The following PNPLA5 variants were observed in gnomAD, a reference collection of about 807,000 sequenced individuals.
The protein encoded by PNPLA5 is patatin like domain 5, triacylglycerol lipase.
PNPLA5 carries 44 observed loss-of-function variants against 49.1 expected under a neutral mutation model. The ratio of observed to expected loss-of-function variants is 0.90; its 90% CI spans 0.70 to 1.15. The LOEUF (loss-of-function observed/expected upper bound fraction) is 1.15. Ranked by LOEUF, PNPLA5 falls within the 50% of genes most tolerant of loss-of-function variation. PNPLA5 has a pLI of 0.00. For missense variants in PNPLA5, 603 were observed against 564.0 expected (o/e 1.07, Z -0.70); for synonymous variants, 243 against 244.4 (o/e 0.99, Z 0.06).
At position 43,886,503 on chromosome 22, in the gene PNPLA5, G is replaced by A. The variant is rs1165985689; in HGVS notation, c.764-15C>T. 1.2e-6 allele frequency: 2 copies of A among 1,603,428 alleles called. No individual in the cohort carries two copies. The highest frequency in any genetic ancestry group is 2.2e-5 in the East Asian group (1 of 44,666). On this transcript the variant is annotated splice_polypyrimidine_tract_variant and intron_variant, in intron 5 of 8. Transcript: ENST00000216177. ...CTTGGTGAGTCCTGGGTCAGGGGAA[G>A]GGAGAGGATAAGTCAAGCATCTGAG...
At chr22:43,886,807 T>C (rs1161069356) in intron 5 of PNPLA5, among the ~76,000 whole-genome samples, 1 of 152,204 alleles carries the variant, frequency 6.6e-6, no homozygotes, top group East Asian at 1.9e-4. Context: ...AAAGGAAAAG[T>C]AAGACCTGCT....
chr22:43,890,733 C>A (rs1015383873), intron 2 of PNPLA5, among the ~76,000 whole-genome samples: 1 of 152,176 alleles, frequency 6.6e-6, no homozygotes, highest in African/African-American at 2.4e-5. Flanking sequence ...GTCAACCCAC[C>A]GCCAAAAAGC....
At position 43,889,868 on chromosome 22, in the gene PNPLA5, G is replaced by A. The variant is rs1556479346; in HGVS notation, c.427-4C>T. ...AGTATAAGGTGCAGACCAAGGCCTA[G>A]GAAGAGAAGAGTCAGCAGGAACACA... is the stretch of plus-strand genomic sequence containing the variant. On this transcript the variant is annotated splice_region_variant and splice_polypyrimidine_tract_variant and intron_variant, in intron 2 of 8. Transcript: ENST00000216177. 1 of 1,613,604 alleles carries A rather than the reference G, an allele frequency of 6.2e-7. No individual in the cohort carries two copies. The highest frequency in any genetic ancestry group is 2.2e-5 in the East Asian group (1 of 44,876).
intron 6 of PNPLA5, among the ~76,000 whole-genome samples, chr22:43,884,641 C>A (rs2049643860): frequency 6.6e-6 from 1 of 152,222 alleles, no homozygotes; most frequent in South Asian, 2.1e-4. Context: ...TGAGGACTCT[C>A]AGGCTCCTGA....
At chr22:43,884,400 C>A in intron 6 of PNPLA5, 55 bp from the exon 7 acceptor site, 1 of 1,473,960 alleles carries the variant, frequency 6.8e-7, no homozygotes, top group Admixed American at 2.4e-5. Context: ...GGGCCAGCAA[C>A]CTGAGCCCCC....
chr22:43,892,002 G>A lies in PNPLA5; in HGVS notation c.-122C>T. ...TGTGGGCTCTGGAGGGAGCCGGGCT[G>A]GGGCTGGTGCTGGTGCTCCCTGCGC... On this transcript the variant is annotated 5_prime_UTR_variant, in exon 1 of 9. Transcript: ENST00000216177. The A allele has an allele frequency of 1.9e-6, 2 of 1,044,954 alleles. No individual in the cohort carries two copies. The highest frequency in any genetic ancestry group is 2.7e-6 in the Non-Finnish European group (2 of 753,008). The allele number at this position is 1,044,954 out of a possible 1,614,324, so 64.7% of individuals were successfully genotyped here. A position where few individuals can be genotyped will look rare whatever the true frequency, so the allele number is the denominator to read the frequency against.
intron 6 of PNPLA5, among the ~76,000 whole-genome samples, chr22:43,885,296 C>T (rs923631272): frequency 7.2e-5 from 11 of 152,066 alleles, no homozygotes; most frequent in African/African-American, 1.2e-4. Context: ...TGGAAAGGGG[C>T]CCCCTTCCTC....
intron 4 of PNPLA5, among the ~76,000 whole-genome samples, chr22:43,888,650 G>T (rs962468336): frequency 6.6e-6 from 1 of 151,980 alleles, no homozygotes; most frequent in Non-Finnish European, 1.5e-5. Context: ...GGCCAGGTTG[G>T]TCTTAAACTC....
At chr22:43,890,644 G>A (rs781750175) in intron 2 of PNPLA5, among the ~76,000 whole-genome samples, 2 of 152,230 alleles carry the variant, frequency 1.3e-5, no homozygotes, top group Non-Finnish European at 2.9e-5. Context: ...AGGAAGGCAA[G>A]GGTTTCTGTC....
Position 43,889,540 on chromosome 22 carries a change from T to A in PNPLA5, c.493-2A>T. ...GCTCAGAGCCCCATCGATGTAGCGC[T>A]GCAATTTGTGGGGAGCAGGTGGGTG... On this transcript the variant is annotated splice_acceptor_variant, in intron 3 of 8. Coordinates refer to ENST00000216177, the MANE Select transcript of PNPLA5 (RefSeq NM_138814.4). LOFTEE classifies it high-confidence loss of function. 6.2e-7 allele frequency: 1 copy of A among 1,600,102 alleles called. No individual in the cohort carries two copies. The highest frequency in any genetic ancestry group is 8.5e-7 in the Non-Finnish European group (1 of 1,171,334).
At chr22:43,889,612 C>T in intron 3 of PNPLA5, 74 bp from the exon 4 acceptor site, 1 of 1,542,434 alleles carries the variant, frequency 6.5e-7, no homozygotes, top group Non-Finnish European at 8.7e-7. Flanking sequence ...AGCCGGTGAC[C>T]CTCCAGCTGT....
rs11408284 is a variant in PNPLA5 at position 43,888,426 on chromosome 22, CTTTTTTTTTTTT to C, written c.703-787_703-776del. Among the ~76,000 whole-genome samples the C allele has an allele frequency of 1.8e-4, 15 of 84,368 alleles. 1 individual carries two copies. The highest frequency in any genetic ancestry group is 2.1e-4 in the African/African-American group (4 of 18,890). The allele number at this position is 84,368 out of a possible 152,430, so 55.3% of individuals were successfully genotyped here. A position where few individuals can be genotyped will look rare whatever the true frequency, so the allele number is the denominator to read the frequency against. On this transcript the variant is annotated intron_variant, in intron 4 of 8. Coordinates refer to ENST00000216177, the MANE Select transcript of PNPLA5 (RefSeq NM_138814.4). ...TGTGTGTGTGTTTCTTTCTTTCCTT[CTTTTTTTTTTTT>C]TTTTTTTTTTTTTTGAGATGGAGTC...
In PNPLA5 at chr22:43,880,304, G is replaced by C; in HGVS notation, c.*491C>G. 2.5e-6 allele frequency: 1 copy of C among 397,980 alleles called. No individual in the cohort carries two copies. The highest frequency in any genetic ancestry group is 4.4e-6 in the Non-Finnish European group (1 of 226,042). The allele number at this position is 397,980 out of a possible 1,614,324, so 24.7% of individuals were successfully genotyped here. The stretch of plus-strand genomic sequence containing the variant: ...ACCTGATAGGAATTCAGAAGTCAAG[G>C]TTTCCTGAGTGGGGTAGATGCCGGG... On this transcript the variant is annotated 3_prime_UTR_variant, in exon 9 of 9. Coordinates refer to ENST00000216177, the MANE Select transcript of PNPLA5 (RefSeq NM_138814.4).
In PNPLA5 at chr22:43,886,475, T is replaced by G. The variant is rs751440689; in HGVS notation, c.777A>C (p.Glu259Asp). Residue 259 changes from glutamate to aspartate, a missense_variant, in exon 6 of 9, where the codon GAA (glutamate) becomes GAC (aspartate). Physicochemically the swap from Glu to Asp is conservative, Grantham distance 45. Coordinates refer to ENST00000216177, the MANE Select transcript of PNPLA5 (RefSeq NM_138814.4). ...TAGACACCAGCGTCCATAGCACTGGTTCCTTGGTGAGTCCTGGGTCAGGGG... is the reference window on the plus strand; with the variant it reads ...TAGACACCAGCGTCCATAGCACTGGGTCCTTGGTGAGTCCTGGGTCAGGGG... ...RFLERRGLTK[E>D]PVLWTLVSKE... 3 of 1,613,130 alleles carry G rather than the reference T, an allele frequency of 1.9e-6. No homozygotes were observed. The East Asian group carries it at 6.7e-5, about 36-fold the overall frequency.
chr22:43,884,621 A>G (rs5764377), intron 6 of PNPLA5, among the ~76,000 whole-genome samples: 57,192 of 152,058 alleles, frequency 0.38, 11,982 homozygotes, highest in East Asian at 0.93. Context: ...TGGCAGGGCC[A>G]GGATGGACTT....
intron 2 of PNPLA5, among the ~76,000 whole-genome samples, chr22:43,890,232 T>A (rs1310281959): frequency 6.6e-6 from 1 of 152,166 alleles, no homozygotes; most frequent in African/African-American, 2.4e-5. Context: ...CTGTTATCAG[T>A]CTGTGGGAAC....
intron 3 of PNPLA5, 21 bp downstream of exon 3, chr22:43,889,778 G>A (rs743934): frequency 0.12 from 196,321 of 1,608,820 alleles, 16,053 homozygotes; most frequent in East Asian, 0.48. Context: ...AGCACAGAAC[G>A]GGGTTCCAGA....
At chr22:43,884,100 T>TACCCCC in intron 7 of PNPLA5, 113 bp downstream of exon 7, 1 of 867,270 alleles carries the variant, frequency 1.2e-6, no homozygotes, top group Non-Finnish European at 1.7e-6. Flanking sequence ...CCAGCCGGGC[T>TACCCCC]CCCCCCACCC....
At position 43,880,428 on chromosome 22, in the gene PNPLA5, A is replaced by G. The variant is rs1161946457; in HGVS notation, c.*367T>C. 13 of 398,602 alleles carry G rather than the reference A, an allele frequency of 3.3e-5. No homozygotes were observed. The highest frequency in any genetic ancestry group is 5.3e-5 in the Non-Finnish European group (12 of 226,156). The allele number at this position is 398,602 out of a possible 1,614,324, so 24.7% of individuals were successfully genotyped here. A position where few individuals can be genotyped will look rare whatever the true frequency, so the allele number is the denominator to read the frequency against. Reference sequence around the variant, plus strand: ...TCCTCTGGTCTCTGACGCGGGCATCAGGCACTTTCTCAATCTTCTGTGAGG... The same window carrying G: ...TCCTCTGGTCTCTGACGCGGGCATCGGGCACTTTCTCAATCTTCTGTGAGG... On this transcript the variant is annotated 3_prime_UTR_variant, in exon 9 of 9. Transcript: ENST00000216177.
Sources: allele counts gnomAD v4.1 joint callset (sites outside exome capture counted in the v4.1 genomes callset), GRCh38; gene constraint gnomAD v4.1.1; transcripts MANE v1.5; gene names NCBI Gene and HGNC (gene_info 2026-07-23, HGNC 2026-07-21).